Variants in RGS20 observed in about 807,000 individuals in gnomAD.
RGS20 encodes the protein regulator of G protein signaling 20.
In RGS20, 30 loss-of-function variants were observed where a neutral mutation model predicts 33.6. The observed-to-expected ratio is 0.89, with a 90% CI of 0.67 to 1.21. The LOEUF (loss-of-function observed/expected upper bound fraction) is 1.21, where lower values mean the gene tolerates loss of function less well. Ranked by LOEUF, RGS20 falls within the 50% of genes most tolerant of loss-of-function variation. The pLI, the probability that RGS20 is intolerant of heterozygous loss-of-function variation, is 0.00. For synonymous variants in RGS20, 208 were observed against 197.9 expected, an observed-to-expected ratio of 1.05 and a Z score of -0.43; for missense variants, 472 against 502.4, an observed-to-expected ratio of 0.94 and a Z score of 0.58.
intron 4 of RGS20, among the ~76,000 whole-genome samples, chr8:53,953,410 A>G (rs1055306857): frequency 6.6e-6 from 1 of 151,952 alleles, no homozygotes; most frequent in African/African-American, 2.4e-5. Flanking sequence ...AGGGTCTGCT[A>G]CTTGGGAGGC....
chr8:53,897,402 A>C (rs985924105), intron 2 of RGS20, among the ~76,000 whole-genome samples: 1 of 152,226 alleles, frequency 6.6e-6, no homozygotes, highest in Non-Finnish European at 1.5e-5. Flanking sequence ...CCTTAGTTCC[A>C]GCTAATAATT....
intron 1 of RGS20, among the ~76,000 whole-genome samples, chr8:53,852,943 A>T (rs890641207): frequency 6.6e-6 from 1 of 152,174 alleles, no homozygotes; most frequent in Non-Finnish European, 1.5e-5. Flanking sequence ...GGAAAAAAAA[A>T]ATAAAAAGGG....
intron 3 of RGS20, 78 bp downstream of exon 2, chr8:53,939,802 T>A: frequency 6.9e-7 from 1 of 1,446,824 alleles, no homozygotes. Context: ...GTGGCACCCC[T>A]GAAAGTGGTG....
chr8:53,916,295 T>G (rs1813480926), intron 2 of RGS20, among the ~76,000 whole-genome samples: 1 of 152,242 alleles, frequency 6.6e-6, no homozygotes. Flanking sequence ...GTGCTGGGAT[T>G]ACAGGCATGA....
At chr8:53,902,883 G>A (rs1813069213) in intron 2 of RGS20, among the ~76,000 whole-genome samples, 1 of 152,112 alleles carries the variant, frequency 6.6e-6, no homozygotes, top group South Asian at 2.1e-4. Flanking sequence ...TCGCCACCAT[G>A]CTCGGTTAAT....
chr8:53,866,671 T>C (rs190316276), intron 1 of RGS20, among the ~76,000 whole-genome samples: 43 of 152,276 alleles, frequency 2.8e-4, no homozygotes, highest in African/African-American at 9.6e-4. Flanking sequence ...CTTGAGCTAC[T>C]TAGCCCAGCC....
At chr8:53,912,685 T>C (rs957661429) in intron 2 of RGS20, among the ~76,000 whole-genome samples, 10 of 152,182 alleles carry the variant, frequency 6.6e-5, no homozygotes, top group African/African-American at 2.4e-4. Context: ...TATACATATG[T>C]AGTGTGCATG....
intron 2 of RGS20, chr8:53,879,638 G>A (rs1054393889): frequency 7.1e-7 from 1 of 1,407,892 alleles, no homozygotes; most frequent in Admixed American, 3.1e-5. Context: ...CCCACACCCA[G>A]CCTCCCCAGG....
chr8:53,929,791 C>T (rs764311748), intron 2 of RGS20, among the ~76,000 whole-genome samples: 1 of 152,138 alleles, frequency 6.6e-6, no homozygotes, highest in African/African-American at 2.4e-5. Context: ...TAAAATTCTT[C>T]CAGACATTTA....
chr8:53,942,449 A>T (rs1585946077), intron 3 of RGS20, among the ~76,000 whole-genome samples: 2 of 151,764 alleles, frequency 1.3e-5, no homozygotes, highest in East Asian at 3.9e-4. Flanking sequence ...ACAGAGTGAG[A>T]CTCTGTCTGA....
At chr8:53,953,985 G>T (rs1029898847) in intron 4 of RGS20, 91 bp from the exon 4 acceptor site, 1 of 893,812 alleles carries the variant, frequency 1.1e-6, no homozygotes, top group Non-Finnish European at 1.9e-6. Context: ...TTTCATTCTT[G>T]GAGGAGGAAA....
At chr8:53,874,491 G>A (rs1246246532) in intron 1 of RGS20, among the ~76,000 whole-genome samples, 1 of 152,116 alleles carries the variant, frequency 6.6e-6, no homozygotes, top group Non-Finnish European at 1.5e-5. Flanking sequence ...AGGGTGTCAA[G>A]TCTGAAATCT....
chr8:53,928,064 CTAAA>C (rs1813853851), intron 2 of RGS20, among the ~76,000 whole-genome samples: 2 of 152,074 alleles, frequency 1.3e-5, no homozygotes, highest in Middle Eastern at 3.4e-3. Context: ...ATATGCTCAC[CTAAA>C]TAGATTTTTT....
chr8:53,926,580 G>A (rs1047252972), intron 2 of RGS20, among the ~76,000 whole-genome samples: 1 of 152,068 alleles, frequency 6.6e-6, no homozygotes, highest in Non-Finnish European at 1.5e-5. Flanking sequence ...ACTATTAAAG[G>A]AATCTGGCTA....
chr8:53,958,135 C>G (rs145468263), intron 5 of RGS20, 135 bp from the exon 5 acceptor site: 2 of 631,304 alleles, frequency 3.2e-6, no homozygotes, highest in Non-Finnish European at 5.1e-6. Flanking sequence ...GACTCTGTCT[C>G]AAAACAAAAC....
At chr8:53,912,924 T>C (rs1189175512) in intron 2 of RGS20, among the ~76,000 whole-genome samples, 3 of 152,182 alleles carry the variant, frequency 2.0e-5, no homozygotes, top group Non-Finnish European at 4.4e-5. Context: ...TCATTATGAA[T>C]TCATAGTTTT....
intron 1 of RGS20, among the ~76,000 whole-genome samples, chr8:53,860,560 G>GAAGATGCTAGA (rs58527724): frequency 0.12 from 17,842 of 152,152 alleles, 2,138 homozygotes; most frequent in East Asian, 0.32. Context: ...GGAATCTGTG[G>GAAGATGCTAGA]AAGATAGTTT....
chr8:53,854,809 C>T (rs1307549545), intron 1 of RGS20, among the ~76,000 whole-genome samples: 2 of 152,162 alleles, frequency 1.3e-5, no homozygotes, highest in East Asian at 1.9e-4. Context: ...TTGCACCAAC[C>T]CTGTATGCCA....
At position 53,885,872 on chromosome 8, in the gene RGS20, C is replaced by G. The variant is rs79709909; in HGVS notation, c.510+6270C>G. 2.0e-3 allele frequency among the ~76,000 whole-genome samples: 279 copies of G among 141,718 alleles called. 2 individuals are homozygous for G. The highest frequency in any genetic ancestry group is 5.2e-3 in the Admixed American group (71 of 13,576). 93.0% of individuals were successfully genotyped at this position (141,718 alleles called of 152,430 possible). On this transcript the variant is annotated intron_variant, in intron 2 of 5. Coordinates refer to ENST00000297313, the MANE Select transcript of RGS20 (RefSeq NM_170587.4). ...CTTGAATACTTTGCATCTTGGGATACTTACTACATGTTCTTAGACAGAAGG... is the reference window on the plus strand; with the variant it reads ...CTTGAATACTTTGCATCTTGGGATAGTTACTACATGTTCTTAGACAGAAGG...
Sources: allele counts gnomAD v4.1 joint callset (sites outside exome capture counted in the v4.1 genomes callset), GRCh38; gene constraint gnomAD v4.1.1; transcripts MANE v1.5; gene names NCBI Gene and HGNC (gene_info 2026-07-23, HGNC 2026-07-21).